MYH15: variants seen among roughly 807,000 people sequenced by gnomAD.
The protein encoded by MYH15 is myosin heavy chain 15.
In MYH15, 227 loss-of-function variants were observed where a neutral mutation model predicts 240.5. That is an observed-to-expected ratio of 0.94 (90% confidence interval 0.85 to 1.05). The LOEUF (loss-of-function observed/expected upper bound fraction) is 1.05, where lower values mean the gene tolerates loss of function less well. Ranked by LOEUF, MYH15 falls within the 50% of genes least tolerant of loss-of-function variation. MYH15 has a pLI of 0.00. For synonymous variants in MYH15, 785 were observed against 796.7 expected (o/e 0.99, Z 0.25); for missense variants, 2,217 against 2,247.5 (o/e 0.99, Z 0.27).
chr3:108,467,810 C>T (rs2083133097), intron 14 of MYH15, among the ~76,000 whole-genome samples: 1 of 151,960 alleles, frequency 6.6e-6, no homozygotes, highest in South Asian at 2.1e-4. Context: ...AAGTTCTAAA[C>T]AAACTAGAAT....
chr3:108,524,268 T>C (rs1237078079), intron 1 of MYH15, among the ~76,000 whole-genome samples: 1 of 152,072 alleles, frequency 6.6e-6, no homozygotes, highest in African/African-American at 2.4e-5. Flanking sequence ...TAATATTTCA[T>C]TGTTAGTTTA....
intron 27 of MYH15, among the ~76,000 whole-genome samples, chr3:108,426,816 G>A (rs1021624524): frequency 6.6e-6 from 1 of 152,336 alleles, no homozygotes; most frequent in East Asian, 1.9e-4. Flanking sequence ...TCCTGCCAGG[G>A]GGGGGCAGTG....
At chr3:108,398,490 C>A in intron 35 of MYH15, 147 bp downstream of exon 35, 2 of 748,642 alleles carry the variant, frequency 2.7e-6, no homozygotes, top group South Asian at 1.6e-5. Context: ...CACTTGGGAA[C>A]AAATGAAGAG....
intron 14 of MYH15, 46 bp downstream of exon 14, chr3:108,469,996 C>T (rs759806067): frequency 1.4e-5 from 22 of 1,566,800 alleles, no homozygotes; most frequent in Non-Finnish European, 1.8e-5. Context: ...CAGGCAGGGA[C>T]AATTCTCCCG....
intron 15 of MYH15, 55 bp downstream of exon 15, chr3:108,464,583 C>T (rs972869673): frequency 3.3e-5 from 49 of 1,490,852 alleles, no homozygotes; most frequent in Middle Eastern, 1.8e-4. Flanking sequence ...TTTGGCTGAG[C>T]GCATTTGAAA....
At chr3:108,503,407 G>A (rs1252714130) in intron 2 of MYH15, among the ~76,000 whole-genome samples, 1 of 152,004 alleles carries the variant, frequency 6.6e-6, no homozygotes, top group East Asian at 1.9e-4. Context: ...TAATACATGT[G>A]GTAAGGGATT....
intron 23 of MYH15, 71 bp from the exon 24 acceptor site, chr3:108,439,984 CTCTTCTG>C: frequency 2.9e-6 from 4 of 1,359,496 alleles, no homozygotes. Flanking sequence ...AGGGTCATTT[CTCTTCTG>C]TCGTCCAAAA....
chr3:108,401,407 G>A (rs1167101944), intron 33 of MYH15, among the ~76,000 whole-genome samples: 1 of 152,140 alleles, frequency 6.6e-6, no homozygotes, highest in Non-Finnish European at 1.5e-5. Context: ...ATCATCAGGA[G>A]AAACCAAACC....
intron 11 of MYH15, among the ~76,000 whole-genome samples, chr3:108,477,643 T>C (rs1315743270): frequency 6.6e-6 from 1 of 152,156 alleles, no homozygotes; most frequent in Admixed American, 6.6e-5. Context: ...AATCTGATAA[T>C]TATAGACAAG....
intron 10 of MYH15, 39 bp downstream of exon 10, chr3:108,486,384 C>T: frequency 6.7e-7 from 1 of 1,496,868 alleles, no homozygotes; most frequent in African/African-American, 1.4e-5. Context: ...TTTCTCATTG[C>T]CATTACCAGA....
At chr3:108,387,548 G>T (rs939112049) in intron 38 of MYH15, among the ~76,000 whole-genome samples, 7 of 152,052 alleles carry the variant, frequency 4.6e-5, no homozygotes, top group African/African-American at 1.7e-4. Context: ...ATATAACTTT[G>T]GTTTTTTGTT....
intron 28 of MYH15, among the ~76,000 whole-genome samples, chr3:108,418,304 A>C (rs1427730781): frequency 6.6e-6 from 1 of 152,220 alleles, no homozygotes. Flanking sequence ...TATATACTCA[A>C]GTTGAGATGT....
In MYH15 at chr3:108,455,798, C is replaced by G. The variant is rs1159719538; in HGVS notation, c.2200G>C (p.Ala734Pro). The change falls in exon 20 of 41, where the codon GCT becomes CCT. Residue 734 changes from alanine (A) to proline (P), a missense_variant. Coordinates refer to ENST00000693548, the MANE Select transcript of MYH15 (RefSeq NM_014981.3). ...TCCAAGGAGCCAAGTAATTCTTCAG[C>G]TGCTTTTCTGCTGCTCACAAACTTG... ...KSKFVSSRKA[A>P]EELLGSLEID... The G allele has an allele frequency of 6.2e-7, 1 of 1,613,412 alleles. No individual in the cohort carries two copies. The highest frequency in any genetic ancestry group is 1.7e-5 in the Admixed American group (1 of 59,984).
chr3:108,453,967 T>C (rs1010160687), intron 21 of MYH15, 39 bp downstream of exon 21: 1 of 1,591,722 alleles, frequency 6.3e-7, no homozygotes, highest in Non-Finnish European at 8.6e-7. Flanking sequence ...AGGCACACTA[T>C]TACCCTAGCA....
chr3:108,517,925 G>A (rs1203463577), intron 1 of MYH15, among the ~76,000 whole-genome samples: 1 of 152,180 alleles, frequency 6.6e-6, no homozygotes, highest in African/African-American at 2.4e-5. Flanking sequence ...TAAATGCTAG[G>A]TGCTAGGATA....
chr3:108,522,146 G>T (rs2107268359), intron 1 of MYH15, among the ~76,000 whole-genome samples: 1 of 152,210 alleles, frequency 6.6e-6, no homozygotes, highest in South Asian at 2.1e-4. Context: ...CGGAGGGCAG[G>T]TGGTGGGGAG....
intron 11 of MYH15, among the ~76,000 whole-genome samples, chr3:108,481,840 A>G (rs1191566079): frequency 6.6e-6 from 1 of 152,198 alleles, no homozygotes; most frequent in Non-Finnish European, 1.5e-5. Flanking sequence ...CACCAACCTA[A>G]TATCATAGAG....
Position 108,418,719 on chromosome 3 carries a change from C to G in MYH15, c.3830-1789G>C, listed in dbSNP as rs938744836. Among the ~76,000 whole-genome samples, 4 of 150,886 alleles carry G rather than the reference C, an allele frequency of 2.7e-5. No individual in the cohort carries two copies. The East Asian group carries it at 7.8e-4, about 29-fold the overall frequency. On this transcript the variant is annotated intron_variant, in intron 28 of 40. Coordinates refer to ENST00000693548, the MANE Select transcript of MYH15 (RefSeq NM_014981.3). ...CGATCTCAGCTCACTGCAACCTCCA[C>G]CTCCCAGGTTCAAGCGATTCTCCTG...
chr3:108,460,480 G>T, intron 16 of MYH15, 113 bp from the exon 17 acceptor site: 3 of 649,844 alleles, frequency 4.6e-6, no homozygotes, highest in Non-Finnish European at 7.3e-6. Flanking sequence ...GAACAATATG[G>T]CAATATCTAC....
Sources: gnomAD v4.1 joint callset for allele counts (sites outside exome capture counted in the v4.1 genomes callset) on GRCh38, gnomAD v4.1.1 for gene constraint, MANE v1.5 for transcripts, NCBI Gene and HGNC (gene_info 2026-07-23, HGNC 2026-07-21) for gene names.